The following TLL2 variants were observed in gnomAD, a reference collection of about 807,000 sequenced individuals.
The protein encoded by TLL2 is tolloid-like protein 2.
Under a neutral mutation model 123.0 loss-of-function variants are expected in TLL2, and 106 were observed. The observed-to-expected ratio is 0.86, with a 90% CI of 0.74 to 1.01. The LOEUF (loss-of-function observed/expected upper bound fraction) is 1.01. Among genes scored for constraint, TLL2 ranks in the 50% least tolerant of loss-of-function variants. The probability of loss-of-function intolerance (pLI) is 0.00; values close to 1 mark genes in which losing one functional copy is unlikely to be tolerated. For missense variants in TLL2, 1,332 were observed against 1,336.7 expected, an observed-to-expected ratio of 1.00 and a Z score of 0.06; for synonymous variants, 494 against 516.8, an observed-to-expected ratio of 0.96 and a Z score of 0.60.
rs375222295 is a variant in TLL2 at position 96,398,264 on chromosome 10, G to C, written c.1268-962C>G. Reference sequence around the variant, plus strand: ...ATGTAGACCTGCACCATTCTGAACTGGCCTAGGGTTGATAAAAGGAGGAAG... The same window carrying C: ...ATGTAGACCTGCACCATTCTGAACTCGCCTAGGGTTGATAAAAGGAGGAAG... On this transcript the variant is annotated intron_variant, in intron 10 of 20. Coordinates refer to ENST00000357947, the MANE Select transcript of TLL2 (RefSeq NM_012465.4). Among the ~76,000 whole-genome samples the C allele has an allele frequency of 2.0e-4, 30 of 152,254 alleles. No homozygotes were observed. In the South Asian group the frequency reaches 2.3e-3, roughly 12 times the overall value.
In TLL2 at chr10:96,384,597, G is replaced by A; in HGVS notation, c.2184C>T (p.His728=). ...TCTGAACCCGCATACCTGAGAAGAA[G>A]TGGGCCCTGAAGCCGCGCTTGGAGA... ...NTVSKRGFRA[H]FFSDKDECAK... is the part of the protein sequence containing the mutation. The change falls in exon 16 of 21, where the codon CAC becomes CAT. Residue 728 remains histidine (H), a synonymous_variant. Coordinates refer to ENST00000357947, the MANE Select transcript of TLL2 (RefSeq NM_012465.4). 2.5e-6 allele frequency: 4 copies of A among 1,593,432 alleles called. No individual in the cohort carries two copies. The highest frequency in any genetic ancestry group is 3.4e-6 in the Non-Finnish European group (4 of 1,166,224).
intron 17 of TLL2, among the ~76,000 whole-genome samples, chr10:96,377,286 C>T (rs777744259): frequency 7.2e-5 from 11 of 152,240 alleles, no homozygotes; most frequent in Non-Finnish European, 1.6e-4. Context: ...GGTAAGTGCT[C>T]AGTGCATCTT....
chr10:96,420,518 C>T (rs1389499113), intron 7 of TLL2, among the ~76,000 whole-genome samples: 1 of 152,198 alleles, frequency 6.6e-6, no homozygotes, highest in Non-Finnish European at 1.5e-5. Context: ...ATTGTCTTCA[C>T]CTCTAAAATG....
intron 2 of TLL2, among the ~76,000 whole-genome samples, chr10:96,466,108 G>T (rs977501267): frequency 2.6e-5 from 4 of 152,188 alleles, no homozygotes; most frequent in African/African-American, 9.7e-5. Context: ...GGGATTCCTT[G>T]GACAATGGCA....
intron 3 of TLL2, among the ~76,000 whole-genome samples, chr10:96,438,260 C>T (rs1846816390): frequency 6.6e-6 from 1 of 152,210 alleles, no homozygotes; most frequent in South Asian, 2.1e-4. Flanking sequence ...TATCTCTCCA[C>T]TGATTTAGGT....
chr10:96,373,658 A>G lies in TLL2; in HGVS notation c.2600T>C (p.Phe867Ser). The G allele has an allele frequency of 1.2e-6, 2 of 1,614,226 alleles. No individual in the cohort carries two copies. The highest frequency in any genetic ancestry group is 1.7e-6 in the Non-Finnish European group (2 of 1,180,044). ...TGAGGCATCCGAATAAAACCTGAGAAACATACTGCTGCCGGAAGCCACCGT... is the reference window on the plus strand; with the variant it reads ...TGAGGCATCCGAATAAAACCTGAGAGACATACTGCTGCCGGAAGCCACCGT... The part of the protein sequence containing the change: ...DPTVASGSSM[F>S]LRFYSDASVQ... The change falls in exon 19 of 21, where the codon TTT becomes TCT. Residue 867 changes from phenylalanine (F) to serine (S), a missense_variant. Phe to Ser is a radical substitution (Grantham distance 155, BLOSUM62 -2). Coordinates refer to ENST00000357947, the MANE Select transcript of TLL2 (RefSeq NM_012465.4).
At chr10:96,385,813 T>C (rs974823959) in intron 15 of TLL2, among the ~76,000 whole-genome samples, 3 of 152,194 alleles carry the variant, frequency 2.0e-5, no homozygotes, top group Admixed American at 6.5e-5. Flanking sequence ...TCTTCCACTC[T>C]TGTCCTGATT....
chr10:96,446,714 C>T (rs11188759), intron 2 of TLL2, among the ~76,000 whole-genome samples: 19,163 of 152,228 alleles, frequency 0.13, 1,738 homozygotes, highest in East Asian at 0.4. Context: ...ATAAATTAGA[C>T]TCCATAGACA....
chr10:96,488,291 T>G (rs1398668251), intron 1 of TLL2, among the ~76,000 whole-genome samples: 1 of 152,156 alleles, frequency 6.6e-6, no homozygotes, highest in Non-Finnish European at 1.5e-5. Flanking sequence ...GGCACTGACT[T>G]AGCGCTTGCG....
At chr10:96,424,593 C>A (rs1036488714) in intron 5 of TLL2, among the ~76,000 whole-genome samples, 15 of 152,006 alleles carry the variant, frequency 9.9e-5, no homozygotes, top group African/African-American at 3.6e-4. Context: ...ATATTTTAAG[C>A]GACATTTTTT....
At chr10:96,482,749 G>A (rs1026206863) in intron 1 of TLL2, among the ~76,000 whole-genome samples, 19 of 152,106 alleles carry the variant, frequency 1.2e-4, no homozygotes, top group African/African-American at 4.6e-4. Context: ...TGTAGTTATG[G>A]TTACACAATT....
intron 16 of TLL2, among the ~76,000 whole-genome samples, chr10:96,383,375 G>C (rs1016817366): frequency 2.6e-5 from 4 of 152,164 alleles, no homozygotes; most frequent in Non-Finnish European, 5.9e-5. Flanking sequence ...ATTCCCACGT[G>C]TTGTGGGAGG....
At chr10:96,458,368 C>T (rs552050824) in intron 2 of TLL2, among the ~76,000 whole-genome samples, 1 of 152,148 alleles carries the variant, frequency 6.6e-6, no homozygotes, top group South Asian at 2.1e-4. Flanking sequence ...AGGCAGATCA[C>T]CTGAGGTCAC....
intron 3 of TLL2, among the ~76,000 whole-genome samples, chr10:96,433,550 C>G (rs577461170): frequency 6.6e-6 from 1 of 152,044 alleles, no homozygotes; most frequent in African/African-American, 2.4e-5. Flanking sequence ...ACGCGTTGGG[C>G]CTCCCACAAT....
intron 10 of TLL2, among the ~76,000 whole-genome samples, chr10:96,402,348 A>G (rs904523931): frequency 6.6e-6 from 1 of 152,182 alleles, no homozygotes; most frequent in African/African-American, 2.4e-5. Context: ...CTTTTATATA[A>G]AGGTAAATAG....
chr10:96,416,464 C>A lies in TLL2; in HGVS notation c.924-3148G>T, dbSNP rs140077288. Among the ~76,000 whole-genome samples, 179 of 152,308 alleles carry A rather than the reference C, an allele frequency of 1.2e-3. 2 individuals carry two copies. The highest frequency in any genetic ancestry group is 2.0e-3 in the Admixed American group (31 of 15,302). ...TGCCATTATCACAAGAGCTCTCACTCTACAGGGGAGAAGACTGAGCCTGCA... is the reference window on the plus strand; with the variant it reads ...TGCCATTATCACAAGAGCTCTCACTATACAGGGGAGAAGACTGAGCCTGCA... On this transcript the variant is annotated intron_variant, in intron 7 of 20. Transcript: ENST00000357947.
At position 96,432,902 on chromosome 10, in the gene TLL2, G is replaced by A. The variant is rs1160031040; in HGVS notation, c.425C>T (p.Thr142Ile). The change falls in exon 4 of 21, where the codon ACC (threonine) becomes ATC (isoleucine). Residue 142 changes from threonine (T) to isoleucine (I), a missense_variant. Physicochemically the swap from Thr to Ile is moderately conservative, Grantham distance 89. Transcript: ENST00000357947. The stretch of plus-strand genomic sequence containing the variant: ...GGCTCTTCGGACCCGGGGAGAGAAG[G>A]TCTTGGCTGCGGCATGCAAGGTCCC... The part of the protein sequence containing the change: ...SPGTLHAAAK[T>I]FSPRVRRATT... 6.2e-7 allele frequency: 1 copy of A among 1,613,996 alleles called. No individual in the cohort carries two copies. The highest frequency in any genetic ancestry group is 1.3e-5 in the African/African-American group (1 of 74,896).
intron 17 of TLL2, among the ~76,000 whole-genome samples, chr10:96,377,844 C>T (rs1339118802): frequency 6.6e-6 from 1 of 152,248 alleles, no homozygotes. Context: ...GACATTTGCT[C>T]AGCTCCTGAG....
intron 3 of TLL2, among the ~76,000 whole-genome samples, chr10:96,438,707 G>A (rs369141446): frequency 4.6e-5 from 7 of 152,326 alleles, no homozygotes; most frequent in Admixed American, 1.3e-4. Context: ...ATGACAGTAC[G>A]AAAGCAGACA....
Sources: allele counts gnomAD v4.1 joint callset (sites outside exome capture counted in the v4.1 genomes callset), GRCh38; gene constraint gnomAD v4.1.1; transcripts MANE v1.5; gene names NCBI Gene and HGNC (gene_info 2026-07-23, HGNC 2026-07-21).